The following CMKLR2 variants were observed in gnomAD, a reference collection of about 807,000 sequenced individuals.
CMKLR2 encodes the protein chemerin chemokine-like receptor 2.
Under a neutral mutation model 23.0 loss-of-function variants are expected in CMKLR2, and 18 were observed. The ratio of observed to expected loss-of-function variants is 0.78; its 90% CI spans 0.54 to 1.16. The LOEUF (loss-of-function observed/expected upper bound fraction) is 1.16. Among genes scored for constraint, CMKLR2 ranks in the 50% most tolerant of loss-of-function variants. The probability of loss-of-function intolerance (pLI) is 0.00; values close to 1 mark genes in which losing one functional copy is unlikely to be tolerated. For synonymous variants in CMKLR2, 158 were observed against 158.9 expected, an observed-to-expected ratio of 0.99 and a Z score of 0.05; for missense variants, 401 against 412.7, an observed-to-expected ratio of 0.97 and a Z score of 0.25.
chr2:206,196,401 A>T (rs1162865055), intron 1 of CMKLR2, among the ~76,000 whole-genome samples: 1 of 151,848 alleles, frequency 6.6e-6, no homozygotes, highest in East Asian at 1.9e-4. Flanking sequence ...AAAATAAATA[A>T]ATAAATAAAT....
At chr2:206,189,988 G>A (rs1234438959) in intron 1 of CMKLR2, among the ~76,000 whole-genome samples, 1 of 152,128 alleles carries the variant, frequency 6.6e-6, no homozygotes, top group Non-Finnish European at 1.5e-5. Flanking sequence ...GTTAAAAAGA[G>A]ACCCTGTTTA....
At chr2:206,185,845 C>A (rs1688560310) in intron 1 of CMKLR2, among the ~76,000 whole-genome samples, 1 of 152,140 alleles carries the variant, frequency 6.6e-6, no homozygotes, top group Non-Finnish European at 1.5e-5. Flanking sequence ...GACTTTGGAG[C>A]CTTCTGTACC....
chr2:206,195,329 C>T (rs1344269044), intron 1 of CMKLR2, among the ~76,000 whole-genome samples: 2 of 152,240 alleles, frequency 1.3e-5, no homozygotes, highest in South Asian at 2.1e-4. Flanking sequence ...CTTGAAGATG[C>T]TAGGGCAGAA....
chr2:206,216,980 C>T (rs1253106796), upstream of CMKLR2, among the ~76,000 whole-genome samples: 1 of 152,024 alleles, frequency 6.6e-6, no homozygotes, highest in Non-Finnish European at 1.5e-5. Flanking sequence ...TTCTCCCAAA[C>T]ATCTAAAAAC....
Position 206,177,111 on chromosome 2 carries a change from C to T in CMKLR2, c.137G>A (p.Cys46Tyr), listed in dbSNP as rs774874796. 13 of 1,614,056 alleles carry T rather than the reference C, an allele frequency of 8.1e-6. No homozygotes were observed. The East Asian group carries it at 2.2e-4, about 28-fold the overall frequency. The part of the protein sequence containing the change: ...VVHWVSLVLY[C>Y]LAFVLGIPGN... ...TGGAATTCCCAGAACAAAAGCCAAA[C>T]AATATAACACCAGGGAGACCCAGTG... Residue 46 changes from cysteine (C) to tyrosine (Y), a missense_variant, in exon 2 of 2, where the codon TGT becomes TAT. Coordinates refer to ENST00000621141, the MANE Select transcript of CMKLR2 (RefSeq NM_001389445.1).
intron 1 of CMKLR2, among the ~76,000 whole-genome samples, chr2:206,198,080 C>A (rs981123719): frequency 6.6e-6 from 1 of 152,098 alleles, no homozygotes; most frequent in African/African-American, 2.4e-5. Flanking sequence ...GTGAGACAGG[C>A]GAAGCTGGGT....
intron 1 of CMKLR2, among the ~76,000 whole-genome samples, chr2:206,202,386 CTT>C (rs1444528433): frequency 6.6e-6 from 1 of 152,136 alleles, no homozygotes; most frequent in African/African-American, 2.4e-5. Context: ...TTAAAATAAT[CTT>C]TAGACTGTTT....
intron 1 of CMKLR2, among the ~76,000 whole-genome samples, chr2:206,204,411 C>A (rs1689234607): frequency 6.7e-6 from 1 of 149,566 alleles, no homozygotes; most frequent in Admixed American, 6.7e-5. Flanking sequence ...TTGATTCTTT[C>A]ATTACATTGT....
At chr2:206,179,057 T>G (rs1261027932) in intron 1 of CMKLR2, among the ~76,000 whole-genome samples, 1 of 24,002 alleles carries the variant, frequency 4.2e-5, no homozygotes, top group African/African-American at 3.6e-4. Flanking sequence ...CCCTGTCCCT[T>G]TTTTTTTTTT....
chr2:206,210,661 A>G (rs1167090254), intron 1 of CMKLR2, among the ~76,000 whole-genome samples: 2 of 151,998 alleles, frequency 1.3e-5, no homozygotes, highest in African/African-American at 2.4e-5. Flanking sequence ...GGGTTTCTCC[A>G]TGTTGGTCAG....
In CMKLR2 at chr2:206,207,728, C is replaced by CTTTTTTTTTTTTTTTTTTTTTTTTTTTT. The variant is rs71034423; in HGVS notation, c.-29+5551_-29+5578dup. Reference sequence around the variant, plus strand: ...ATCTGGGTCTGTCTGACCTCAGGGCCTTTTTTTTTTTTTTTTTTTTTTTTT... The same window carrying CTTTTTTTTTTTTTTTTTTTTTTTTTTTT: ...ATCTGGGTCTGTCTGACCTCAGGGCCTTTTTTTTTTTTTTTTTTTTTTTTTTTTTTTTTTTTTTTTTTTTTTTTTTTTT... On this transcript the variant is annotated intron_variant, in intron 1 of 1. Transcript: ENST00000621141. Among the ~76,000 whole-genome samples the CTTTTTTTTTTTTTTTTTTTTTTTTTTTT allele has an allele frequency of 2.8e-4, 12 of 43,574 alleles. 3 individuals are homozygous for CTTTTTTTTTTTTTTTTTTTTTTTTTTTT. Among genetic ancestry groups the CTTTTTTTTTTTTTTTTTTTTTTTTTTTT allele is most frequent in the East Asian group, 2.4e-3 (2 of 836 alleles). 28.6% of individuals were successfully genotyped at this position (43,574 alleles called of 152,430 possible). A position where few individuals can be genotyped will look rare whatever the true frequency, so the allele number is the denominator to read the frequency against.
chr2:206,210,756 C>T (rs901413354), intron 1 of CMKLR2, among the ~76,000 whole-genome samples: 17 of 152,036 alleles, frequency 1.1e-4, no homozygotes, highest in African/African-American at 2.7e-4. Flanking sequence ...CCACCGTGCC[C>T]GGCCTGCAAA....
intron 1 of CMKLR2, among the ~76,000 whole-genome samples, chr2:206,210,621 G>C: frequency 6.6e-6 from 1 of 151,886 alleles, no homozygotes; most frequent in South Asian, 2.1e-4. Flanking sequence ...ACCACACTGG[G>C]CTAATTTTTT....
chr2:206,195,047 T>C (rs1688877513), intron 1 of CMKLR2, among the ~76,000 whole-genome samples: 1 of 152,216 alleles, frequency 6.6e-6, no homozygotes, highest in Non-Finnish European at 1.5e-5. Flanking sequence ...TGAGCCACCA[T>C]GCCCGACGCA....
chr2:206,192,299 T>A (rs868319559), intron 1 of CMKLR2, among the ~76,000 whole-genome samples: 288 of 147,394 alleles, frequency 2.0e-3, no homozygotes, highest in African/African-American at 6.4e-3. Flanking sequence ...AAAAAAAAAA[T>A]TTATTTATTT....
At chr2:206,195,508 G>A (rs1372065089) in intron 1 of CMKLR2, among the ~76,000 whole-genome samples, 2 of 152,132 alleles carry the variant, frequency 1.3e-5, no homozygotes, top group Non-Finnish European at 2.9e-5. Flanking sequence ...GCTGGCTGGG[G>A]ATACTCCAGA....
intron 1 of CMKLR2, among the ~76,000 whole-genome samples, chr2:206,207,655 C>T (rs1425105592): frequency 6.8e-6 from 1 of 146,526 alleles, no homozygotes; most frequent in Non-Finnish European, 1.5e-5. Flanking sequence ...TCCTACAAGG[C>T]TAAGAGAGCT....
At chr2:206,203,822 T>C (rs1026142303) in intron 1 of CMKLR2, 2 of 152,200 alleles carry the variant, frequency 1.3e-5, no homozygotes, top group Non-Finnish European at 2.9e-5. Flanking sequence ...GTTTTCTTAT[T>C]TGTAGGTACT....
intron 1 of CMKLR2, among the ~76,000 whole-genome samples, chr2:206,199,934 G>A (rs773724962): frequency 3.9e-5 from 6 of 151,988 alleles, no homozygotes; most frequent in Non-Finnish European, 7.4e-5. Flanking sequence ...GAAATGAGAG[G>A]GCAAGAACCA....
Sources: gnomAD v4.1 joint callset for allele counts (sites outside exome capture counted in the v4.1 genomes callset) on GRCh38, gnomAD v4.1.1 for gene constraint, MANE v1.5 for transcripts, NCBI Gene and HGNC (gene_info 2026-07-23, HGNC 2026-07-21) for gene names.